Variants in P2RX5 observed in about 807,000 individuals in gnomAD.
The protein encoded by P2RX5 is P2X purinoceptor 5.
Under a neutral mutation model 54.1 loss-of-function variants are expected in P2RX5, and 46 were observed. That is an observed-to-expected ratio of 0.85 (90% CI 0.67 to 1.09). P2RX5 has a LOEUF of 1.09. P2RX5 is among the 50% of genes least tolerant of loss of function. The pLI is 0.00. For missense variants in P2RX5, 566 were observed against 549.8 expected, an observed-to-expected ratio of 1.03 and a Z score of -0.29; for synonymous variants, 226 against 226.4, an observed-to-expected ratio of 1.00 and a Z score of 0.02.
At chr17:3,715,578 G>A in the P2RX5 span, among the ~76,000 whole-genome samples, 12 of 152,164 alleles carry the variant, frequency 7.9e-5, no homozygotes, top group African/African-American at 2.7e-4. Context: ...AAAAAGCAAG[G>A]TCAGGTGCTT....
upstream of P2RX5, among the ~76,000 whole-genome samples, chr17:3,696,840 AGGAAG>A (rs753508596): frequency 5.9e-5 from 9 of 152,152 alleles, no homozygotes; most frequent in Non-Finnish European, 1.3e-4. Flanking sequence ...CAGGGGAGGA[AGGAAG>A]GGGACACAAC....
the P2RX5 span, among the ~76,000 whole-genome samples, chr17:3,714,085 A>G: frequency 0.15 from 22,325 of 148,406 alleles, 5,159 homozygotes; most frequent in African/African-American, 0.5. Context: ...CTGCCACCGC[A>G]CCCGGCTAAT....
At chr17:3,715,206 A>G in the P2RX5 span, among the ~76,000 whole-genome samples, 1 of 152,196 alleles carries the variant, frequency 6.6e-6, no homozygotes, top group South Asian at 2.1e-4. Context: ...CTTATTTTGC[A>G]AAGCATGATA....
rs775643007 is a variant in P2RX5, at chr17:3,689,486, A to C, written c.753+6T>G. ...AGGGAGGGCTCCCTGCGTGCACCCC[A>C]CCCACCTCCAGGGCTATATCCTGGA... On this transcript the variant is annotated splice_donor_region_variant and intron_variant, in intron 7 of 11. Transcript: ENST00000225328. 1.2e-6 allele frequency: 2 copies of C among 1,613,680 alleles called. No homozygotes were observed. Among genetic ancestry groups the C allele is most frequent in the South Asian group, 2.2e-5 (2 of 91,068 alleles).
chr17:3,690,707 TG>T (rs200346347), intron 3 of P2RX5, 27 bp from the exon 4 acceptor site: 33 of 1,609,432 alleles, frequency 2.1e-5, no homozygotes, highest in Middle Eastern at 1.7e-4. Flanking sequence ...GGCACCTGGA[TG>T]GGGGGGTTCC....
At chr17:3,679,145 A>T (rs2050171053) in intron 11 of P2RX5, among the ~76,000 whole-genome samples, 1 of 152,202 alleles carries the variant, frequency 6.6e-6, no homozygotes, top group East Asian at 1.9e-4. Context: ...CCGGGATTCA[A>T]ATCTCAGCGC....
chr17:3,720,242 T>A, the P2RX5 span: 12 of 766,036 alleles, frequency 1.6e-5, no homozygotes, highest in East Asian at 3.0e-4. Context: ...AGAATGTCTG[T>A]GGAGGTGCTC....
chr17:3,705,359 G>A, the P2RX5 span, among the ~76,000 whole-genome samples: 1 of 152,114 alleles, frequency 6.6e-6, no homozygotes, highest in Non-Finnish European at 1.5e-5. Context: ...AGTCCCCACT[G>A]CACACTCAGC....
At chr17:3,683,748 A>AAAAAAAG (rs71379594) in intron 9 of P2RX5, among the ~76,000 whole-genome samples, 3 of 142,408 alleles carry the variant, frequency 2.1e-5, no homozygotes, top group Non-Finnish European at 4.6e-5. Context: ...AAAAAAAAAA[A>AAAAAAAG]GAAAAGTGAT....
At chr17:3,681,867 C>T (rs769860316) in intron 10 of P2RX5, 29 bp downstream of exon 10, 23 of 1,531,464 alleles carry the variant, frequency 1.5e-5, no homozygotes, top group African/African-American at 4.1e-5. Flanking sequence ...GGGCTGCCCT[C>T]GGGCCGCCGG....
the P2RX5 span, among the ~76,000 whole-genome samples, chr17:3,704,088 G>A: frequency 7.0e-6 from 1 of 142,602 alleles, no homozygotes; most frequent in East Asian, 2.1e-4. Context: ...GGCAACAAGA[G>A]CAAAACTCTG....
At chr17:3,696,583 T>A (rs2143002635), upstream of P2RX5, among the ~76,000 whole-genome samples, 1 of 152,224 alleles carries the variant, frequency 6.6e-6, no homozygotes, top group East Asian at 1.9e-4. Flanking sequence ...GCCTCCCAAG[T>A]AGCTGGGACT....
At chr17:3,711,398 T>A in the P2RX5 span, among the ~76,000 whole-genome samples, 4 of 132,250 alleles carry the variant, frequency 3.0e-5, no homozygotes, top group East Asian at 4.2e-4. Flanking sequence ...TTTTTTTTTT[T>A]TTGAGACGGA....
chr17:3,696,265 T>G, upstream of P2RX5: 1 of 269,140 alleles, frequency 3.7e-6, no homozygotes, highest in Non-Finnish European at 6.7e-6. Flanking sequence ...CCGCTACCTC[T>G]TCTTCCTCCT....
At chr17:3,705,231 G>C in the P2RX5 span, among the ~76,000 whole-genome samples, 1 of 152,118 alleles carries the variant, frequency 6.6e-6, no homozygotes, top group Non-Finnish European at 1.5e-5. Flanking sequence ...TGAGAATGGT[G>C]GCAATGCAAT....
At chr17:3,700,398 T>C (rs372755693), upstream of P2RX5, among the ~76,000 whole-genome samples, 2 of 152,004 alleles carry the variant, frequency 1.3e-5, no homozygotes, top group African/African-American at 4.8e-5. Flanking sequence ...CCGGGCCTGG[T>C]GGCACGCGCC....
the P2RX5 span, among the ~76,000 whole-genome samples, chr17:3,707,337 C>CA: frequency 6.6e-6 from 1 of 152,166 alleles, no homozygotes; most frequent in Non-Finnish European, 1.5e-5. Context: ...GCCCACCGAA[C>CA]AGTCAGAAAC....
the P2RX5 span, among the ~76,000 whole-genome samples, chr17:3,704,142 C>T: frequency 6.6e-6 from 1 of 152,028 alleles, no homozygotes; most frequent in African/African-American, 2.4e-5. Flanking sequence ...CCACACAAAA[C>T]CCAAATCCCA....
chr17:3,722,579 C>T, the P2RX5 span: 5 of 151,818 alleles, frequency 3.3e-5, no homozygotes, highest in African/African-American at 1.2e-4. Context: ...AGCAAAGGAA[C>T]AGCAAGTACA....
Sources: gnomAD v4.1 joint callset for allele counts (sites outside exome capture counted in the v4.1 genomes callset) on GRCh38, gnomAD v4.1.1 for gene constraint, MANE v1.5 for transcripts, NCBI Gene and HGNC (gene_info 2026-07-23, HGNC 2026-07-21) for gene names.